Variants in RMST observed in about 807,000 individuals in gnomAD.
The protein encoded by RMST is rhabdomyosarcoma 2 associated transcript, also known as long intergenic non-protein coding RNA 54.
chr12:97,558,598 TTTC>T (rs1883877691), intron 11 of RMST, among the ~76,000 whole-genome samples: 2 of 152,220 alleles, frequency 1.3e-5, no homozygotes, highest in Non-Finnish European at 2.9e-5. Flanking sequence ...TGAGTTTTTT[TTTC>T]TTCTATTTCC....
rs1881120576 is a variant in RMST, at chr12:97,526,410, T to G, written n.1341-4245T>G. 2.6e-5 allele frequency among the ~76,000 whole-genome samples: 4 copies of G among 152,190 alleles called. No homozygotes were observed. In the South Asian group the frequency reaches 8.3e-4, roughly 32 times the overall value. On this transcript the variant is annotated intron_variant and non_coding_transcript_variant, in intron 10 of 13. Coordinates refer to ENST00000640149, the Ensembl canonical transcript of RMST. ...CAGTATGAATATAACATACTTTATTTAACCAGTTACCTTTGGTGACTTTTT... is the reference window on the plus strand; with the variant it reads ...CAGTATGAATATAACATACTTTATTGAACCAGTTACCTTTGGTGACTTTTT...
chr12:97,551,166 GT>G (rs199727157), intron 11 of RMST, among the ~76,000 whole-genome samples: 2 of 104,900 alleles, frequency 1.9e-5, no homozygotes, highest in African/African-American at 3.6e-5. Flanking sequence ...ATGGTTCATT[GT>G]TTTTAAAAAA....
At chr12:97,515,260 C>A (rs747664077) in intron 10 of RMST, among the ~76,000 whole-genome samples, 2 of 152,018 alleles carry the variant, frequency 1.3e-5, no homozygotes, top group Non-Finnish European at 2.9e-5. Flanking sequence ...CTTTATTATT[C>A]TTCCTTGCTT....
Position 97,529,223 on chromosome 12 carries a change from C to T in RMST, n.1341-1432C>T, listed in dbSNP as rs11109096. ...TCAGGAATCCCTAAATCATCTCATC[C>T]TCATTTTTATATCTTAGGTTGCATC... On this transcript the variant is annotated intron_variant and non_coding_transcript_variant, in intron 10 of 13. Coordinates refer to ENST00000640149, the Ensembl canonical transcript of RMST. 8.1e-3 allele frequency among the ~76,000 whole-genome samples: 1,237 copies of T among 152,136 alleles called. 22 individuals carry two copies. Among genetic ancestry groups the T allele is most frequent in the African/African-American group, 0.028 (1,180 of 41,524 alleles).
At chr12:97,554,911 GC>G (rs1368064111) in intron 11 of RMST, among the ~76,000 whole-genome samples, 1 of 152,194 alleles carries the variant, frequency 6.6e-6, no homozygotes, top group Non-Finnish European at 1.5e-5. Context: ...TCTTCATGGG[GC>G]TGGCATGTGA....
intron 11 of RMST, among the ~76,000 whole-genome samples, chr12:97,545,852 G>A (rs545043726): frequency 2.9e-4 from 44 of 152,232 alleles, no homozygotes; most frequent in Admixed American, 9.2e-4. Context: ...TAGAATGGAA[G>A]AAGAGATGGA....
chr12:97,520,998 A>G (rs192358853), intron 10 of RMST, among the ~76,000 whole-genome samples: 1 of 152,334 alleles, frequency 6.6e-6, no homozygotes, highest in Admixed American at 6.5e-5. Flanking sequence ...GTGCTAAAAT[A>G]TAATCTTTCT....
chr12:97,518,734 C>G (rs767372582), intron 10 of RMST, among the ~76,000 whole-genome samples: 1 of 152,168 alleles, frequency 6.6e-6, no homozygotes, highest in Non-Finnish European at 1.5e-5. Context: ...CTCTCTACTT[C>G]TGTCTTTACC....
intron 5 of RMST, among the ~76,000 whole-genome samples, chr12:97,468,335 ATC>A (rs1228300355): frequency 6.6e-6 from 1 of 152,050 alleles, no homozygotes; most frequent in African/African-American, 2.4e-5. Context: ...GGTGTTTATA[ATC>A]TCTTTTTCAA....
chr12:97,472,921 A>G (rs146620005), intron 5 of RMST, among the ~76,000 whole-genome samples: 1 of 152,244 alleles, frequency 6.6e-6, no homozygotes, highest in African/African-American at 2.4e-5. Context: ...TCTCATCTGA[A>G]CAGTGTTGCT....
intron 5 of RMST, among the ~76,000 whole-genome samples, chr12:97,474,169 G>A (rs1319620070): frequency 1.3e-5 from 2 of 152,084 alleles, no homozygotes; most frequent in African/African-American, 4.8e-5. Flanking sequence ...ATTACGTGAA[G>A]GGACTTATAC....
chr12:97,505,657 G>T (rs1282093905), intron 10 of RMST, among the ~76,000 whole-genome samples: 1 of 152,136 alleles, frequency 6.6e-6, no homozygotes, highest in Admixed American at 6.5e-5. Context: ...TGGTGTGGAT[G>T]GTACACAGGT....
At chr12:97,558,022 G>T (rs1033439380) in intron 11 of RMST, among the ~76,000 whole-genome samples, 1 of 152,088 alleles carries the variant, frequency 6.6e-6, no homozygotes, top group Non-Finnish European at 1.5e-5. Context: ...CAATCTATTC[G>T]TTGCAATCGT....
intron 10 of RMST, among the ~76,000 whole-genome samples, chr12:97,514,500 T>A (rs1045614464): frequency 2.0e-5 from 3 of 152,228 alleles, no homozygotes; most frequent in Admixed American, 6.5e-5. Flanking sequence ...CAGGTTATTC[T>A]AATGCCCAAA....
chr12:97,490,404 C>G (rs577019504), intron 5 of RMST, among the ~76,000 whole-genome samples: 1 of 152,164 alleles, frequency 6.6e-6, no homozygotes, highest in Non-Finnish European at 1.5e-5. Context: ...ACTATGGGAT[C>G]CAGGGCAAGT....
intron 10 of RMST, among the ~76,000 whole-genome samples, chr12:97,529,561 A>G (rs1881439886): frequency 6.8e-6 from 1 of 147,442 alleles, no homozygotes; most frequent in African/African-American, 2.5e-5. Context: ...ACTTTATGAT[A>G]TAGAATTCTC....
chr12:97,469,313 G>A (rs1873613906), intron 5 of RMST, among the ~76,000 whole-genome samples: 1 of 151,678 alleles, frequency 6.6e-6, no homozygotes, highest in Non-Finnish European at 1.5e-5. Flanking sequence ...TTATCTTATT[G>A]ATATGTATTT....
In RMST at chr12:97,479,966, G is replaced by A. The variant is rs114819477; in HGVS notation, n.645-12495G>A. On this transcript the variant is annotated intron_variant and non_coding_transcript_variant, in intron 5 of 13. Transcript: ENST00000640149. ...TGTCTCATTTTGTGGCACTGCTGTC[G>A]ACTCATTCATCTAAACTAGAAACCC... Among the ~76,000 whole-genome samples, 803 of 152,074 alleles carry A rather than the reference G, an allele frequency of 5.3e-3. 3 individuals carry two copies. The highest frequency in any genetic ancestry group is 0.017 in the African/African-American group (719 of 41,460).
chr12:97,492,006 A>T lies in RMST; in HGVS notation n.645-455A>T, dbSNP rs775270138. 5.7e-6 allele frequency: 3 copies of T among 527,272 alleles called. No individual in the cohort carries two copies. The East Asian group carries it at 1.7e-4, about 29-fold the overall frequency. 32.7% of individuals were successfully genotyped at this position (527,272 alleles called of 1,614,324 possible). A position where few individuals can be genotyped will look rare whatever the true frequency, so the allele number is the denominator to read the frequency against. On this transcript the variant is annotated intron_variant and non_coding_transcript_variant, in intron 5 of 13. Transcript: ENST00000640149. Reference sequence around the variant, plus strand: ...GATAAACAATGGAACTTCTCCCTTGAGAACTGGAGTTTGGATTGATCTAAT... The same window carrying T: ...GATAAACAATGGAACTTCTCCCTTGTGAACTGGAGTTTGGATTGATCTAAT...
Sources: gnomAD v4.1 joint callset for allele counts (sites outside exome capture counted in the v4.1 genomes callset) on GRCh38, gnomAD v4.1.1 for gene constraint, MANE v1.5 for transcripts, NCBI Gene and HGNC (gene_info 2026-07-23, HGNC 2026-07-21) for gene names.